Variants in CALN1 observed in about 807,000 individuals in gnomAD.
CALN1 encodes the protein calcium-binding protein 8.
A neutral mutation model predicts 30.6 loss-of-function variants in CALN1; 17 were observed. The ratio of observed to expected loss-of-function variants is 0.56; its 90% CI spans 0.38 to 0.83. The LOEUF is 0.83. Among genes scored for constraint, CALN1 ranks in the 40% least tolerant of loss-of-function variants. The pLI, the probability that CALN1 is intolerant of heterozygous loss-of-function variation, is 0.00. For synonymous variants in CALN1, 156 were observed against 131.4 expected (o/e 1.19, Z -1.28); for missense variants, 291 against 354.9 (o/e 0.82, Z 1.45).
At chr7:72,121,161 CTA>C (rs1014345066) in intron 3 of CALN1, among the ~76,000 whole-genome samples, 3 of 142,246 alleles carry the variant, frequency 2.1e-5, no homozygotes, top group Non-Finnish European at 3.0e-5. Flanking sequence ...TATATAAAAT[CTA>C]TATTATATAT....
At chr7:71,850,173 A>G (rs191339165) in intron 5 of CALN1, among the ~76,000 whole-genome samples, 1 of 152,184 alleles carries the variant, frequency 6.6e-6, no homozygotes, top group African/African-American at 2.4e-5. Flanking sequence ...TCTATGCCAT[A>G]TATCAAGAGA....
Position 71,933,511 on chromosome 7 carries a change from C to T in CALN1, c.501+90146G>A, listed in dbSNP as rs142348700. Reference sequence around the variant, plus strand: ...GTGTCCATGTCCTAAATTTTCTTGGCGCAAGATGATGAGCCCTGGGTATTT... The same window carrying T: ...GTGTCCATGTCCTAAATTTTCTTGGTGCAAGATGATGAGCCCTGGGTATTT... On this transcript the variant is annotated intron_variant, in intron 5 of 6. Transcript: ENST00000395275. Among the ~76,000 whole-genome samples the T allele has an allele frequency of 5.3e-3, 801 of 152,216 alleles. 13 individuals are homozygous for T. Among genetic ancestry groups the T allele is most frequent in the Admixed American group, 0.04 (617 of 15,280 alleles).
At chr7:71,858,902 T>TCA (rs1791106511) in intron 5 of CALN1, among the ~76,000 whole-genome samples, 1 of 152,208 alleles carries the variant, frequency 6.6e-6, no homozygotes, top group African/African-American at 2.4e-5. Context: ...TGAGGCTGTG[T>TCA]CACGGGCACG....
chr7:71,798,668 C>CTTGA (rs1787113431), intron 6 of CALN1, among the ~76,000 whole-genome samples: 1 of 138,402 alleles, frequency 7.2e-6, no homozygotes. Context: ...GTCACCCAGG[C>CTTGA]TTGAGTGCAG....
intron 2 of CALN1, among the ~76,000 whole-genome samples, chr7:72,316,350 C>T (rs534244753): frequency 5.5e-5 from 8 of 144,514 alleles, no homozygotes; most frequent in East Asian, 4.8e-4. Flanking sequence ...TTGAAAGTAA[C>T]GGCAAAAACC....
chr7:72,262,350 T>C (rs1279473154), intron 3 of CALN1, among the ~76,000 whole-genome samples: 3 of 152,160 alleles, frequency 2.0e-5, no homozygotes, highest in Non-Finnish European at 4.4e-5. Context: ...GGATCTTTTT[T>C]GTTTCTTTTT....
At chr7:71,898,003 G>C in intron 5 of CALN1, among the ~76,000 whole-genome samples, 1 of 91,386 alleles carries the variant, frequency 1.1e-5, no homozygotes, top group Non-Finnish European at 2.0e-5. Context: ...GAGAGAGAGA[G>C]GGAGGGAGGG....
intron 3 of CALN1, among the ~76,000 whole-genome samples, chr7:72,203,731 C>T (rs1297512731): frequency 4.6e-5 from 7 of 152,148 alleles, no homozygotes. Context: ...TCCTCCTTCC[C>T]AAACAGGGCA....
the CALN1 span, among the ~76,000 whole-genome samples, chr7:72,489,224 G>A: frequency 6.6e-6 from 1 of 152,142 alleles, no homozygotes; most frequent in African/African-American, 2.4e-5. Flanking sequence ...GAAACAGGCA[G>A]AACAAGGGAA....
chr7:72,394,672 T>C (rs986975397), intron 2 of CALN1, among the ~76,000 whole-genome samples: 2 of 151,918 alleles, frequency 1.3e-5, no homozygotes, highest in African/African-American at 2.4e-5. Context: ...CTTTTTTTTT[T>C]TTTTTTTGAG....
intron 3 of CALN1, among the ~76,000 whole-genome samples, chr7:72,115,196 A>G (rs1563071589): frequency 6.8e-6 from 1 of 147,278 alleles, no homozygotes; most frequent in Non-Finnish European, 1.5e-5. Flanking sequence ...ACAATTATAT[A>G]TATTAATGTA....
the CALN1 span, among the ~76,000 whole-genome samples, chr7:72,474,919 C>CA: frequency 6.6e-6 from 1 of 152,188 alleles, no homozygotes; most frequent in Non-Finnish European, 1.5e-5. Context: ...AACACCCTCT[C>CA]AACAGTCATT....
At chr7:72,127,280 G>A (rs1808834558) in intron 3 of CALN1, among the ~76,000 whole-genome samples, 1 of 152,102 alleles carries the variant, frequency 6.6e-6, no homozygotes, top group East Asian at 1.9e-4. Flanking sequence ...ATGTGTTGGA[G>A]GAACAGCAAG....
chr7:71,793,282 G>C (rs1197644678), intron 6 of CALN1, among the ~76,000 whole-genome samples: 1 of 151,960 alleles, frequency 6.6e-6, no homozygotes, highest in Non-Finnish European at 1.5e-5. Flanking sequence ...CTGCAGCCTG[G>C]GCAACAAGAG....
intron 2 of CALN1, among the ~76,000 whole-genome samples, chr7:72,311,425 G>A (rs913564379): frequency 6.6e-6 from 1 of 152,002 alleles, no homozygotes; most frequent in African/African-American, 2.4e-5. Context: ...ACTGTGCAGA[G>A]GGTCAACACC....
chr7:72,492,954 T>C, the CALN1 span, among the ~76,000 whole-genome samples: 2 of 152,186 alleles, frequency 1.3e-5, no homozygotes, highest in South Asian at 2.1e-4. Flanking sequence ...AATGTAAAAA[T>C]GTAGCTGAAC....
chr7:71,846,493 GAACT>G (rs1219568830), intron 5 of CALN1, among the ~76,000 whole-genome samples: 4 of 152,174 alleles, frequency 2.6e-5, no homozygotes, highest in Middle Eastern at 3.4e-3. Context: ...CAGAGAAACA[GAACT>G]AATAGGATAA....
chr7:72,260,953 A>AT (rs1199734332), intron 3 of CALN1, among the ~76,000 whole-genome samples: 1 of 152,124 alleles, frequency 6.6e-6, no homozygotes, highest in Non-Finnish European at 1.5e-5. Flanking sequence ...CCTGAGGCTC[A>AT]TTTCACTGGA....
intron 2 of CALN1, among the ~76,000 whole-genome samples, chr7:72,364,349 TCTAC>T (rs1803754021): frequency 6.6e-6 from 1 of 152,200 alleles, no homozygotes; most frequent in South Asian, 2.1e-4. Context: ...AAGAACTAGC[TCTAC>T]CTGAGCTTAA....
Sources: allele counts gnomAD v4.1 joint callset (sites outside exome capture counted in the v4.1 genomes callset), GRCh38; gene constraint gnomAD v4.1.1; transcripts MANE v1.5; gene names NCBI Gene and HGNC (gene_info 2026-07-23, HGNC 2026-07-21).